Variants in NAALADL2 observed in about 807,000 individuals in gnomAD.
The protein encoded by NAALADL2 is N-acetylated alpha-linked acidic dipeptidase like 2, also known as inactive N-acetylated-alpha-linked acidic dipeptidase-like protein 2.
Under a neutral mutation model 87.2 loss-of-function variants are expected in NAALADL2, and 76 were observed. The ratio of observed to expected loss-of-function variants is 0.87; its 90% CI spans 0.72 to 1.05. NAALADL2 has a LOEUF of 1.05. Among genes scored for constraint, NAALADL2 ranks in the 50% least tolerant of loss-of-function variants. The pLI, the probability that NAALADL2 is intolerant of heterozygous loss-of-function variation, is 0.00. For missense variants in NAALADL2, 1,089 were observed against 945.8 expected (o/e 1.15, Z -1.99); for synonymous variants, 354 against 331.0 (o/e 1.07, Z -0.75).
intron 2 of NAALADL2, among the ~76,000 whole-genome samples, chr3:175,227,247 C>G (rs1744287884): frequency 6.6e-6 from 1 of 151,982 alleles, no homozygotes; most frequent in Admixed American, 6.6e-5. Flanking sequence ...ATCACTGTTG[C>G]TCTGTGGCTC....
At position 175,595,792 on chromosome 3, in the gene NAALADL2, A is replaced by G. The variant is rs1490841027; in HGVS notation, c.1800+19605A>G. 5.9e-5 allele frequency among the ~76,000 whole-genome samples: 9 copies of G among 152,132 alleles called. No individual in the cohort carries two copies. The East Asian group carries it at 1.7e-3, about 29-fold the overall frequency. On this transcript the variant is annotated intron_variant, in intron 10 of 13. Coordinates refer to ENST00000454872, the MANE Select transcript of NAALADL2 (RefSeq NM_207015.3). ...ATGCTCATGATTTGGAAGAATCCAT[A>G]TGGTTAAAATGACCATACTGCCCCC... is the stretch of plus-strand genomic sequence containing the variant.
At chr3:175,483,404 A>AT (rs1244927749) in intron 9 of NAALADL2, among the ~76,000 whole-genome samples, 1 of 135,460 alleles carries the variant, frequency 7.4e-6, no homozygotes, top group Non-Finnish European at 1.6e-5. Flanking sequence ...CTTTGCTAAT[A>AT]TTTTTTTCTT....
intron 9 of NAALADL2, among the ~76,000 whole-genome samples, chr3:175,538,816 T>G (rs4243410): frequency 6.6e-6 from 1 of 151,976 alleles, no homozygotes; most frequent in Admixed American, 6.5e-5. Context: ...CCAGGGCTAA[T>G]GTGGTAAATA....
intron 1 of NAALADL2, among the ~76,000 whole-genome samples, chr3:174,954,078 C>T (rs1193345463): frequency 6.6e-6 from 1 of 151,984 alleles, no homozygotes; most frequent in Non-Finnish European, 1.5e-5. Context: ...GGGATTTGAC[C>T]CCATTAGTGA....
At chr3:174,565,793 T>A (rs1283589766) in intron 2 of NAALADL2, among the ~76,000 whole-genome samples, 1 of 152,038 alleles carries the variant, frequency 6.6e-6, no homozygotes, top group East Asian at 1.9e-4. Context: ...CTACCACCAA[T>A]GAGTGAAAGT....
chr3:174,480,459 T>C (rs901001739), intron 1 of NAALADL2, among the ~76,000 whole-genome samples: 1 of 152,058 alleles, frequency 6.6e-6, no homozygotes, highest in African/African-American at 2.4e-5. Context: ...TCTTCCTTTT[T>C]CTGTTTTTTT....
chr3:174,902,336 A>G (rs1732414506), intron 1 of NAALADL2, among the ~76,000 whole-genome samples: 1 of 152,196 alleles, frequency 6.6e-6, no homozygotes, highest in African/African-American at 2.4e-5. Flanking sequence ...AGAACAGGTT[A>G]GAAATAATGT....
At chr3:174,725,384 A>G (rs919442558) in intron 2 of NAALADL2, among the ~76,000 whole-genome samples, 1 of 152,158 alleles carries the variant, frequency 6.6e-6, no homozygotes, top group African/African-American at 2.4e-5. Context: ...TTATTTACCT[A>G]GTACTGCTTC....
At chr3:175,572,477 CTT>C (rs1718232489) in intron 9 of NAALADL2, among the ~76,000 whole-genome samples, 1 of 150,018 alleles carries the variant, frequency 6.7e-6, no homozygotes, top group African/African-American at 2.5e-5. Flanking sequence ...AAAAATTAGA[CTT>C]TTAAATAAAT....
Position 175,737,361 on chromosome 3 carries a change from C to T in NAALADL2, c.1952C>T (p.Ala651Val), listed in dbSNP as rs756579347. 1 of 1,609,856 alleles carries T rather than the reference C, an allele frequency of 6.2e-7. No homozygotes were observed. The highest frequency in any genetic ancestry group is 8.5e-7 in the Non-Finnish European group (1 of 1,176,492). ...IANEPVLPFN[A>V]LDIALEVQNN... ...AACGAACCTGTTCTGCCCTTTAATG[C>T]ACTTGATATAGCTTTAGAAGTTCAA... The change falls in exon 12 of 14, where the codon GCA becomes GTA. Residue 651 changes from alanine (A) to valine (V), a missense_variant. Ala to Val is a moderately conservative substitution (Grantham distance 64). Transcript: ENST00000454872.
chr3:174,667,923 T>G (rs1726128149), intron 2 of NAALADL2, among the ~76,000 whole-genome samples: 1 of 152,134 alleles, frequency 6.6e-6, no homozygotes, highest in African/African-American at 2.4e-5. Context: ...ATTCTACTTT[T>G]ACTTTTTTGA....
rs1004151095 is a variant in NAALADL2, at chr3:175,670,428, A to G, written c.1896+43042A>G. Among the ~76,000 whole-genome samples, 25 of 145,590 alleles carry G rather than the reference A, an allele frequency of 1.7e-4. 1 individual carries two copies. The highest frequency in any genetic ancestry group is 5.7e-4 in the African/African-American group (22 of 38,640). ...TTTACATTAAATGTAAATTTAATATATTTATATTAAATTTATATTAAATGT... is the reference window on the plus strand; with the variant it reads ...TTTACATTAAATGTAAATTTAATATGTTTATATTAAATTTATATTAAATGT... On this transcript the variant is annotated intron_variant, in intron 11 of 13. Coordinates refer to ENST00000454872, the MANE Select transcript of NAALADL2 (RefSeq NM_207015.3).
At chr3:175,232,253 G>GAAGAAAGAAC (rs1393576722) in intron 2 of NAALADL2, among the ~76,000 whole-genome samples, 7 of 27,030 alleles carry the variant, frequency 2.6e-4, no homozygotes, top group Admixed American at 7.0e-4. Context: ...GAAAGAACAA[G>GAAGAAAGAAC]AAGAAGAAGG....
intron 1 of NAALADL2, among the ~76,000 whole-genome samples, chr3:175,013,770 C>T (rs1750465431): frequency 1.3e-5 from 2 of 152,152 alleles, no homozygotes; most frequent in South Asian, 4.1e-4. Flanking sequence ...CTCTCCTGGT[C>T]TCGTAAGACC....
chr3:175,235,608 T>C (rs1745695976), intron 3 of NAALADL2: 1 of 152,238 alleles, frequency 6.6e-6, no homozygotes, highest in South Asian at 2.1e-4. Flanking sequence ...CCCGATATTT[T>C]ATCTAAAACT....
At chr3:174,606,484 T>C (rs77335689) in intron 2 of NAALADL2, among the ~76,000 whole-genome samples, 1 of 151,940 alleles carries the variant, frequency 6.6e-6, no homozygotes, top group South Asian at 2.1e-4. Context: ...AAGGAGGTGA[T>C]GGAGCTGAAA....
Position 175,351,394 on chromosome 3 carries a change from T to G in NAALADL2, c.1090+27069T>G, listed in dbSNP as rs145925290. Among the ~76,000 whole-genome samples, 19 of 152,176 alleles carry G rather than the reference T, an allele frequency of 1.2e-4. No individual in the cohort carries two copies. In the East Asian group the frequency reaches 3.3e-3, roughly 26 times the overall value. ...CATGAAATACTTTATATATGATATA[T>G]ATACATATATGATAACATTATATGT... On this transcript the variant is annotated intron_variant, in intron 5 of 13. Transcript: ENST00000454872.
intron 10 of NAALADL2, among the ~76,000 whole-genome samples, chr3:175,588,536 T>TTTTTTTTTTTG (rs1720898869): frequency 8.5e-6 from 1 of 117,628 alleles, no homozygotes; most frequent in Non-Finnish European, 1.7e-5. Context: ...TTTCTTTTCT[T>TTTTTTTTTTTG]TTTTTTTTTT....
intron 3 of NAALADL2, among the ~76,000 whole-genome samples, chr3:174,851,409 A>T (rs1725247086): frequency 1.3e-5 from 2 of 151,840 alleles, no homozygotes; most frequent in South Asian, 4.1e-4. Flanking sequence ...AATAAATAAA[A>T]TCAGAGTTGA....
Sources: allele counts gnomAD v4.1 joint callset (sites outside exome capture counted in the v4.1 genomes callset), GRCh38; gene constraint gnomAD v4.1.1; transcripts MANE v1.5; gene names NCBI Gene and HGNC (gene_info 2026-07-23, HGNC 2026-07-21).